Variants in ADAMTS17 observed in about 807,000 individuals in gnomAD.
The protein encoded by ADAMTS17 is ADAM metallopeptidase with thrombospondin type 1 motif 17, also known as A disintegrin and metalloproteinase with thrombospondin motifs 17.
Under a neutral mutation model 141.5 loss-of-function variants are expected in ADAMTS17, and 113 were observed. The observed-to-expected ratio is 0.80, with a 90% CI of 0.69 to 0.93. The LOEUF (loss-of-function observed/expected upper bound fraction) is 0.93. Among genes scored for constraint, ADAMTS17 ranks in the 40% least tolerant of loss-of-function variants. The pLI is 0.00. For synonymous variants in ADAMTS17, 768 were observed against 630.6 expected, an observed-to-expected ratio of 1.22 and a Z score of -3.27; for missense variants, 1,659 against 1,517.9, an observed-to-expected ratio of 1.09 and a Z score of -1.54.
At chr15:100,249,203 G>C (rs2043077425) in intron 7 of ADAMTS17, among the ~76,000 whole-genome samples, 1 of 152,146 alleles carries the variant, frequency 6.6e-6, no homozygotes. Flanking sequence ...AGGAGAATCA[G>C]GGCCTTGGAA....
chr15:100,182,056 C>A (rs1486588425), intron 8 of ADAMTS17, among the ~76,000 whole-genome samples: 1 of 152,214 alleles, frequency 6.6e-6, no homozygotes, highest in Admixed American at 6.5e-5. Context: ...CTGAGCTCAG[C>A]CCGGTTTTGC....
At chr15:100,250,576 G>A (rs748577847) in intron 7 of ADAMTS17, among the ~76,000 whole-genome samples, 4 of 152,218 alleles carry the variant, frequency 2.6e-5, no homozygotes, top group Non-Finnish European at 5.9e-5. Context: ...GCTCTCAAGA[G>A]GCAGTCCGAG....
At chr15:100,329,911 C>G (rs2045999346) in intron 3 of ADAMTS17, among the ~76,000 whole-genome samples, 1 of 152,226 alleles carries the variant, frequency 6.6e-6, no homozygotes, top group Non-Finnish European at 1.5e-5. Flanking sequence ...CACCGGGATA[C>G]TAAACCAAGA....
intron 15 of ADAMTS17, among the ~76,000 whole-genome samples, chr15:100,082,415 C>A (rs1472178659): frequency 6.6e-6 from 1 of 150,522 alleles, no homozygotes; most frequent in African/African-American, 2.4e-5. Flanking sequence ...GGGTCTCAGT[C>A]TGTTGCCCAG....
intron 15 of ADAMTS17, among the ~76,000 whole-genome samples, chr15:100,078,180 A>G (rs1183016554): frequency 6.6e-6 from 1 of 151,986 alleles, no homozygotes; most frequent in African/African-American, 2.4e-5. Context: ...AAATTGGTCT[A>G]CAGATTCAAC....
chr15:100,234,708 CCAGCCCGTAAGG>C, intron 7 of ADAMTS17, among the ~76,000 whole-genome samples: 1 of 152,346 alleles, frequency 6.6e-6, no homozygotes, highest in East Asian at 1.9e-4. Flanking sequence ...AACGCTGCAA[CCAGCCCGTAAGG>C]CAGCCCCAGG....
intron 18 of ADAMTS17, among the ~76,000 whole-genome samples, chr15:100,008,615 A>G (rs2061088383): frequency 6.6e-6 from 1 of 152,214 alleles, no homozygotes; most frequent in Non-Finnish European, 1.5e-5. Context: ...CTGGTGGATT[A>G]TGGCATCCTG....
At chr15:100,300,194 C>G (rs1389885923) in intron 3 of ADAMTS17, among the ~76,000 whole-genome samples, 1 of 152,084 alleles carries the variant, frequency 6.6e-6, no homozygotes, top group African/African-American at 2.4e-5. Context: ...CTCCAGAGGC[C>G]TCTGGAGTGT....
intron 3 of ADAMTS17, among the ~76,000 whole-genome samples, chr15:100,305,688 G>GT (rs2045200213): frequency 6.6e-6 from 1 of 152,150 alleles, no homozygotes. Context: ...TTATCTTATC[G>GT]TGAGGGTGGT....
At chr15:100,074,941 C>T (rs1437483920) in intron 15 of ADAMTS17, among the ~76,000 whole-genome samples, 1 of 152,032 alleles carries the variant, frequency 6.6e-6, no homozygotes, top group Non-Finnish European at 1.5e-5. Context: ...CTTTCCTACC[C>T]CCATTTGGTT....
At chr15:100,051,354 G>C (rs1358819233) in intron 17 of ADAMTS17, among the ~76,000 whole-genome samples, 2 of 152,192 alleles carry the variant, frequency 1.3e-5, no homozygotes, top group African/African-American at 4.8e-5. Flanking sequence ...TGGGGCCCTG[G>C]GCCCCAGGCA....
intron 14 of ADAMTS17, among the ~76,000 whole-genome samples, chr15:100,107,871 G>A (rs2036503510): frequency 6.6e-6 from 1 of 152,150 alleles, no homozygotes; most frequent in African/African-American, 2.4e-5. Flanking sequence ...AGGTGCCCAA[G>A]CTGACTAAGA....
chr15:100,118,389 C>T (rs754119752), intron 12 of ADAMTS17, among the ~76,000 whole-genome samples: 10 of 152,244 alleles, frequency 6.6e-5, no homozygotes, highest in Non-Finnish European at 1.5e-4. Context: ...CTGTCTACCT[C>T]ATATACACTA....
chr15:100,139,884 T>A (rs2141279719), intron 10 of ADAMTS17, among the ~76,000 whole-genome samples: 1 of 152,326 alleles, frequency 6.6e-6, no homozygotes, highest in Middle Eastern at 3.4e-3. Context: ...GAAAGGACAT[T>A]GATGGAAAAA....
chr15:100,034,472 C>A (rs965180409), intron 18 of ADAMTS17, among the ~76,000 whole-genome samples: 1 of 152,216 alleles, frequency 6.6e-6, no homozygotes, highest in Admixed American at 6.5e-5. Flanking sequence ...GCCTGGGAAG[C>A]ACCTGCCACT....
At chr15:100,309,628 T>C (rs940614672) in intron 3 of ADAMTS17, among the ~76,000 whole-genome samples, 2 of 152,172 alleles carry the variant, frequency 1.3e-5, no homozygotes, top group African/African-American at 4.8e-5. Context: ...GTGGACAACG[T>C]ACAAAGGCAC....
intron 7 of ADAMTS17, among the ~76,000 whole-genome samples, chr15:100,234,744 C>G (rs2042600930): frequency 6.6e-6 from 1 of 152,328 alleles, no homozygotes; most frequent in South Asian, 2.1e-4. Context: ...TCCCCGACCA[C>G]TCCTCTGACT....
chr15:100,329,308 G>A (rs1416931079), intron 3 of ADAMTS17, among the ~76,000 whole-genome samples: 2 of 152,136 alleles, frequency 1.3e-5, no homozygotes, highest in Non-Finnish European at 2.9e-5. Context: ...GCAGGCCAAG[G>A]CGAGAGGATC....
At chr15:100,042,984 A>G (rs1018450678) in intron 18 of ADAMTS17, among the ~76,000 whole-genome samples, 2 of 152,220 alleles carry the variant, frequency 1.3e-5, no homozygotes, top group Admixed American at 6.5e-5. Context: ...GTGTGTATGT[A>G]TATATGTATG....
Sources: gnomAD v4.1 joint callset for allele counts (sites outside exome capture counted in the v4.1 genomes callset) on GRCh38, gnomAD v4.1.1 for gene constraint, MANE v1.5 for transcripts, NCBI Gene and HGNC (gene_info 2026-07-23, HGNC 2026-07-21) for gene names.